MRC1: variants seen among roughly 807,000 people sequenced by gnomAD.
MRC1 encodes the protein mannose receptor C-type 1.
MRC1 carries 62 observed loss-of-function variants against 102.9 expected under a neutral mutation model. That is an observed-to-expected ratio of 0.60 (90% CI 0.49 to 0.74). MRC1 has a LOEUF of 0.74. Among genes scored for constraint, MRC1 ranks in the 30% least tolerant of loss-of-function variants. The probability of loss-of-function intolerance (pLI) is 0.00; values close to 1 mark genes in which losing one functional copy is unlikely to be tolerated. For missense variants in MRC1, 1,237 were observed against 862.8 expected (o/e 1.43, Z -5.43); for synonymous variants, 457 against 298.4 (o/e 1.53, Z -5.48).
chr10:17,875,892 A>G (rs1833429921), intron 17 of MRC1, among the ~76,000 whole-genome samples: 1 of 152,194 alleles, frequency 6.6e-6, no homozygotes, highest in Non-Finnish European at 1.5e-5. Flanking sequence ...ACAATGTAAA[A>G]ATGTTTCCTT....
chr10:17,862,488 G>A (rs915032677), intron 10 of MRC1, among the ~76,000 whole-genome samples: 14 of 152,106 alleles, frequency 9.2e-5, no homozygotes, highest in African/African-American at 3.4e-4. Flanking sequence ...GGACATTTGT[G>A]CATCTACATT....
intron 1 of MRC1, among the ~76,000 whole-genome samples, chr10:17,822,375 G>C (rs1438362746): frequency 5.3e-5 from 8 of 152,168 alleles, no homozygotes; most frequent in African/African-American, 1.9e-4. Context: ...TGTAATCCTA[G>C]TACTTTGAGA....
At chr10:17,889,442 T>A (rs2130703130) in intron 22 of MRC1, among the ~76,000 whole-genome samples, 1 of 152,314 alleles carries the variant, frequency 6.6e-6, no homozygotes, top group African/African-American at 2.4e-5. Context: ...TTCTTTTTAT[T>A]ACAAATAAAG....
intron 14 of MRC1, 72 bp from the exon 15 acceptor site, chr10:17,871,910 C>G: frequency 1.3e-6 from 1 of 741,910 alleles, no homozygotes; most frequent in Non-Finnish European, 2.5e-6. Context: ...CTTTCGTTTT[C>G]TGTTTGGATG....
At chr10:17,816,967 G>A (rs1243702718) in intron 1 of MRC1, among the ~76,000 whole-genome samples, 1 of 152,058 alleles carries the variant, frequency 6.6e-6, no homozygotes, top group African/African-American at 2.4e-5. Context: ...AAAAATCCAG[G>A]CCAGGCGCGG....
intron 22 of MRC1, among the ~76,000 whole-genome samples, chr10:17,893,005 T>C (rs1439664193): frequency 1.8e-5 from 2 of 108,494 alleles, no homozygotes; most frequent in African/African-American, 7.5e-5. Flanking sequence ...CGAGACTCCA[T>C]CTAGGAAAAA....
chr10:17,829,242 A>T (rs1838531570), intron 3 of MRC1, among the ~76,000 whole-genome samples: 1 of 151,548 alleles, frequency 6.6e-6, no homozygotes, highest in Non-Finnish European at 1.5e-5. Flanking sequence ...TATTTCAAGC[A>T]TTATTGTAAA....
rs2130664148 is a variant in MRC1, at chr10:17,863,636, C to T, written c.1737C>T (p.Thr579=). 1.3e-6 allele frequency: 1 copy of T among 780,806 alleles called. No individual in the cohort carries two copies. Among genetic ancestry groups the T allele is most frequent in the Admixed American group, 1.7e-5 (1 of 59,028 alleles). 48.4% of individuals were successfully genotyped at this position (780,806 alleles called of 1,614,324 possible). ...DIQTKGTFQW[T]IEEEVRFTHW... ...AAACCAAAGGGACTTTTCAGTGGAC[C>T]ATCGAGGAAGAGGTTCGGTTCACCC... Residue 579 remains threonine, a synonymous_variant, in exon 11 of 30, where the codon ACC becomes ACT. Coordinates refer to ENST00000569591, the MANE Select transcript of MRC1 (RefSeq NM_002438.4).
chr10:17,815,864 T>C (rs1216029773), intron 1 of MRC1, among the ~76,000 whole-genome samples: 4 of 151,882 alleles, frequency 2.6e-5, no homozygotes, highest in African/African-American at 9.7e-5. Flanking sequence ...TCTCACTCTG[T>C]CGCCCAGGCT....
intron 10 of MRC1, 88 bp from the exon 11 acceptor site, chr10:17,863,446 G>T: frequency 1.3e-6 from 1 of 772,726 alleles, no homozygotes. Context: ...CTCAAACATA[G>T]GACTGAGATA....
chr10:17,823,247 T>A lies in MRC1; in HGVS notation c.235T>A (p.Ser79Thr), dbSNP rs547490630. The A allele has an allele frequency of 2.6e-6, 2 of 780,546 alleles. No homozygotes were observed. Among genetic ancestry groups the A allele is most frequent in the South Asian group, 1.3e-5 (1 of 74,568 alleles). 48.4% of individuals were successfully genotyped at this position (780,546 alleles called of 1,614,324 possible). ...VAFKLCLGVP[S>T]KTDWVAITLY... ...ATTTAAATTATGCCTGGGAGTGCCA[T>A]CAAAAACGGACTGGGTTGCTATCAC... Residue 79 changes from serine to threonine, a missense_variant, in exon 2 of 30, where the codon TCA (serine) becomes ACA (threonine). Coordinates refer to ENST00000569591, the MANE Select transcript of MRC1 (RefSeq NM_002438.4).
intron 12 of MRC1, among the ~76,000 whole-genome samples, chr10:17,867,239 C>G (rs976803373): frequency 6.7e-6 from 1 of 149,912 alleles, no homozygotes; most frequent in African/African-American, 2.5e-5. Context: ...TCCCTCCTCT[C>G]TCCCCCTTCC....
intron 1 of MRC1, among the ~76,000 whole-genome samples, chr10:17,816,746 C>G (rs945126585): frequency 9.2e-5 from 14 of 152,176 alleles, no homozygotes; most frequent in Non-Finnish European, 1.9e-4. Context: ...TATCTGGCTT[C>G]TCTGTCTTCC....
intron 3 of MRC1, 35 bp from the exon 4 acceptor site, chr10:17,833,640 A>G (rs1554839214): frequency 1.3e-6 from 1 of 781,064 alleles, no homozygotes; most frequent in Non-Finnish European, 2.4e-6. Flanking sequence ...TTTTCTATGC[A>G]TAATGAACCA....
At chr10:17,898,300 A>G in intron 24 of MRC1, 34 bp downstream of exon 24, 1 of 780,802 alleles carries the variant, frequency 1.3e-6, no homozygotes, top group Admixed American at 1.7e-5. Flanking sequence ...ACTTGACATG[A>G]TCAGTGAATT....
chr10:17,873,661 A>G (rs1307316930), intron 15 of MRC1, 123 bp from the exon 16 acceptor site: 11 of 749,140 alleles, frequency 1.5e-5, no homozygotes, highest in Non-Finnish European at 2.5e-5. Context: ...AAGAAAGGGA[A>G]GGGAAAAAAG....
intron 21 of MRC1, among the ~76,000 whole-genome samples, chr10:17,883,017 G>A (rs1225007371): frequency 6.6e-6 from 1 of 152,204 alleles, no homozygotes; most frequent in African/African-American, 2.4e-5. Context: ...CAGAAAAAAA[G>A]TGCTGAATCT....
At chr10:17,815,313 T>C (rs1456287334) in intron 1 of MRC1, among the ~76,000 whole-genome samples, 8 of 152,254 alleles carry the variant, frequency 5.3e-5, no homozygotes, top group African/African-American at 1.9e-4. Context: ...ATGATCAGAT[T>C]GACATGATAC....
rs1838191061 is a variant in MRC1, at chr10:17,809,545, A to G, written c.61+19A>G. ...CTACTGGGTAAGTCTGCTCTGAGGC[A>G]GGGGATCTCTGACCTGGGGGGCCGG... On this transcript the variant is annotated intron_variant, in intron 1 of 29. Coordinates refer to ENST00000569591, the MANE Select transcript of MRC1 (RefSeq NM_002438.4). The G allele has an allele frequency of 6.9e-6, 6 of 872,632 alleles. No homozygotes were observed. The highest frequency in any genetic ancestry group is 1.2e-5 in the Non-Finnish European group (6 of 501,510). The allele number at this position is 872,632 out of a possible 1,614,324, so 54.1% of individuals were successfully genotyped here.
Sources: gnomAD v4.1 joint callset for allele counts (sites outside exome capture counted in the v4.1 genomes callset) on GRCh38, gnomAD v4.1.1 for gene constraint, MANE v1.5 for transcripts, NCBI Gene and HGNC (gene_info 2026-07-23, HGNC 2026-07-21) for gene names.